CSTPP1: variants seen among roughly 807,000 people sequenced by gnomAD.
CSTPP1 encodes the protein UPF0705 protein C11orf49.
chr11:47,106,092 G>A, the CSTPP1 span, among the ~76,000 whole-genome samples: 1 of 152,242 alleles, frequency 6.6e-6, no homozygotes, highest in East Asian at 1.9e-4. Context: ...TGTCACACTA[G>A]TTCCTTTTAT....
the CSTPP1 span, among the ~76,000 whole-genome samples, chr11:47,149,261 G>T: frequency 6.6e-6 from 1 of 152,218 alleles, no homozygotes. Flanking sequence ...CAATAGATTT[G>T]TGCAGACTCT....
the CSTPP1 span, among the ~76,000 whole-genome samples, chr11:47,033,864 T>C: frequency 6.6e-6 from 1 of 152,050 alleles, no homozygotes; most frequent in South Asian, 2.1e-4. Context: ...ATTAGAAACA[T>C]TGTGTTTGGG....
chr11:47,151,771 C>T, the CSTPP1 span, among the ~76,000 whole-genome samples: 8 of 151,686 alleles, frequency 5.3e-5, no homozygotes, highest in Admixed American at 1.3e-4. Context: ...CTGCTGGGAT[C>T]CAGCCACATG....
At chr11:46,953,472 T>C in the CSTPP1 span, among the ~76,000 whole-genome samples, 2 of 152,134 alleles carry the variant, frequency 1.3e-5, no homozygotes, top group African/African-American at 4.8e-5. Context: ...CGAGGAAATT[T>C]AGGATCAAAG....
chr11:47,103,414 A>C, the CSTPP1 span, among the ~76,000 whole-genome samples: 1 of 151,624 alleles, frequency 6.6e-6, no homozygotes, highest in African/African-American at 2.4e-5. Flanking sequence ...AAAAAAAAAA[A>C]TGTACAGAAT....
the CSTPP1 span, among the ~76,000 whole-genome samples, chr11:47,084,954 G>A: frequency 6.6e-6 from 1 of 152,136 alleles, no homozygotes; most frequent in African/African-American, 2.4e-5. Context: ...GGAGGCCAAG[G>A]TGGGCAGATC....
chr11:47,120,998 GTA>G, the CSTPP1 span, among the ~76,000 whole-genome samples: 1 of 152,108 alleles, frequency 6.6e-6, no homozygotes, highest in Non-Finnish European at 1.5e-5. This position sits in a 1 kb window ranked among gnomAD's most constrained non-coding sequence, Gnocchi z 4.2. Flanking sequence ...TTTTTAAAAT[GTA>G]TATGATACGT....
the CSTPP1 span, among the ~76,000 whole-genome samples, chr11:46,957,299 A>G: frequency 4.9e-4 from 75 of 152,308 alleles, no homozygotes; most frequent in Non-Finnish European, 4.9e-4. Flanking sequence ...GTTTTAGTGC[A>G]TATTTCCTAA....
At chr11:47,075,348 G>C in the CSTPP1 span, among the ~76,000 whole-genome samples, 1 of 151,962 alleles carries the variant, frequency 6.6e-6, no homozygotes, top group East Asian at 1.9e-4. Context: ...TTCAGCTTGG[G>C]CAACAGTGCA....
At chr11:47,153,558 T>G in the CSTPP1 span, among the ~76,000 whole-genome samples, 1 of 152,184 alleles carries the variant, frequency 6.6e-6, no homozygotes, top group Non-Finnish European at 1.5e-5. Flanking sequence ...GTGTGTGACT[T>G]TGGCAGGCTG....
chr11:47,113,855 G>A, the CSTPP1 span, among the ~76,000 whole-genome samples: 290 of 150,856 alleles, frequency 1.9e-3, no homozygotes, highest in African/African-American at 6.7e-3. Flanking sequence ...AGTTTAATTC[G>A]ATCCCATTTG....
chr11:47,114,544 CA>C, the CSTPP1 span, among the ~76,000 whole-genome samples: 3 of 152,156 alleles, frequency 2.0e-5, no homozygotes, highest in Non-Finnish European at 2.9e-5. Flanking sequence ...AGAGGTCCTT[CA>C]CATCCCTTGT....
chr11:47,158,324 G>T, the CSTPP1 span, among the ~76,000 whole-genome samples: 1 of 146,178 alleles, frequency 6.8e-6, no homozygotes, highest in Non-Finnish European at 1.5e-5. Context: ...TGTGTCTGCG[G>T]AGACCTTTTT....
At chr11:47,039,808 C>T in the CSTPP1 span, among the ~76,000 whole-genome samples, 1 of 128,428 alleles carries the variant, frequency 7.8e-6, no homozygotes, top group African/African-American at 2.5e-5. Context: ...CACTGCAGTC[C>T]GTCCTGGGCG....
At chr11:46,964,289 CTTTT>C in the CSTPP1 span, among the ~76,000 whole-genome samples, 1 of 141,870 alleles carries the variant, frequency 7.0e-6, no homozygotes, top group Non-Finnish European at 1.5e-5. Flanking sequence ...CTCTCTCTCT[CTTTT>C]TTTTTTTTTT....
At chr11:46,974,526 C>CAAA in the CSTPP1 span, among the ~76,000 whole-genome samples, 28 of 118,254 alleles carry the variant, frequency 2.4e-4, no homozygotes, top group Non-Finnish European at 3.1e-4. Flanking sequence ...GACTCTGTCT[C>CAAA]AAAAAAAAAA....
the CSTPP1 span, among the ~76,000 whole-genome samples, chr11:47,000,451 G>A: frequency 6.6e-6 from 1 of 152,086 alleles, no homozygotes; most frequent in Non-Finnish European, 1.5e-5. Context: ...AATATTCTGT[G>A]GTCTTGGTTG....
At chr11:47,015,129 A>T in the CSTPP1 span, among the ~76,000 whole-genome samples, 1 of 152,198 alleles carries the variant, frequency 6.6e-6, no homozygotes, top group African/African-American at 2.4e-5. Context: ...ACAAAGACAC[A>T]AAGGACATTC....
chr11:47,051,220 G>A, the CSTPP1 span, among the ~76,000 whole-genome samples: 1 of 152,084 alleles, frequency 6.6e-6, no homozygotes, highest in Non-Finnish European at 1.5e-5. Flanking sequence ...AGATTAACAT[G>A]TTTCCACTCC....
Sources: allele counts gnomAD v4.1 joint callset (sites outside exome capture counted in the v4.1 genomes callset), GRCh38; gene constraint gnomAD v4.1.1; non-coding constraint Gnocchi (gnomAD v3.1); transcripts MANE v1.5; gene names NCBI Gene and HGNC (gene_info 2026-07-23, HGNC 2026-07-21).